DOT1L: variants seen among roughly 807,000 people sequenced by gnomAD.
DOT1L encodes DOT1 like histone lysine methyltransferase, also known as histone-lysine N-methyltransferase, H3 lysine-79 specific.
In DOT1L, 33 loss-of-function variants were observed where a neutral mutation model predicts 153.3. The ratio of observed to expected loss-of-function variants is 0.22; its 90% CI spans 0.16 to 0.29. The LOEUF (loss-of-function observed/expected upper bound fraction) is 0.29. Ranked by LOEUF, DOT1L falls within the 10% of genes least tolerant of loss-of-function variation. The pLI is 1.00. For synonymous variants in DOT1L, 1,135 were observed against 965.1 expected (o/e 1.18, Z -3.26); for missense variants, 1,847 against 2,119.9 (o/e 0.87, Z 2.53).
chr19:2,193,851 G>T lies in DOT1L; in HGVS notation c.588+68G>T. The T allele has an allele frequency of 6.6e-7, 1 of 1,518,934 alleles. No homozygotes were observed. The highest frequency in any genetic ancestry group is 9.0e-7 in the Non-Finnish European group (1 of 1,109,334). The allele number at this position is 1,518,934 out of a possible 1,614,324, so 94.1% of individuals were successfully genotyped here. A position where few individuals can be genotyped will look rare whatever the true frequency, so the allele number is the denominator to read the frequency against. On this transcript the variant is annotated intron_variant, in intron 6 of 27. Coordinates refer to ENST00000398665, the MANE Select transcript of DOT1L (RefSeq NM_032482.3). This position sits in a 1 kb window ranked among gnomAD's most constrained non-coding sequence, Gnocchi z 5.9. ...CATCAGAGAAAGTGACGCCCTGGGT[G>T]CCTGCACCCCACTGCTGTGGGACTT... is the stretch of plus-strand genomic sequence containing the variant.
rs1470225848 is a variant in DOT1L at position 2,220,030 on chromosome 19, A to G, written c.2692-78A>G. On this transcript the variant is annotated intron_variant, in intron 22 of 27. Transcript: ENST00000398665. This position sits in a 1 kb window ranked among gnomAD's most constrained non-coding sequence, Gnocchi z 4.5. ...CTCCCCCAGCCAGCTGCAGGCCTCA[A>G]CACTCACTGTTTCCAGCTGGGTTCT... is the stretch of plus-strand genomic sequence containing the variant. The G allele has an allele frequency of 5.1e-6, 7 of 1,371,200 alleles. No individual in the cohort carries two copies. The highest frequency in any genetic ancestry group is 1.3e-5 in the South Asian group (1 of 75,318). The allele number at this position is 1,371,200 out of a possible 1,614,324, so 84.9% of individuals were successfully genotyped here.
chr19:2,208,276 G>A lies in DOT1L; in HGVS notation c.963+596G>A, dbSNP rs1023048178. Among the ~76,000 whole-genome samples, 17 of 152,226 alleles carry A rather than the reference G, an allele frequency of 1.1e-4. No individual in the cohort carries two copies. Among genetic ancestry groups the A allele is most frequent in the Non-Finnish European group, 2.9e-5 (2 of 67,998 alleles). On this transcript the variant is annotated intron_variant, in intron 11 of 27. Transcript: ENST00000398665. This position sits in a 1 kb window ranked among gnomAD's most constrained non-coding sequence, Gnocchi z 4.4. ...GGAGGCTTCCCCTGGTCTCTTTCCC[G>A]TCCTTTGGTTGGGCACTCTGTTCCT...
In DOT1L at chr19:2,197,245, G is replaced by A. The variant is rs1442018585; in HGVS notation, c.652-2639G>A. Among the ~76,000 whole-genome samples, 1 of 152,202 alleles carries A rather than the reference G, an allele frequency of 6.6e-6. No individual in the cohort carries two copies. Among genetic ancestry groups the A allele is most frequent in the Admixed American group, 6.5e-5 (1 of 15,284 alleles). ...TCTCCTTCCCTTTCTCATGGTGATT[G>A]TTCCCAAATGCTGTGCCCACAGTGG... On this transcript the variant is annotated intron_variant, in intron 7 of 27. Transcript: ENST00000398665. The surrounding 1 kb of genome is among the most constrained non-coding windows in gnomAD (Gnocchi z 4.1).
chr19:2,210,610 G>A lies in DOT1L; in HGVS notation c.1117-11G>A, dbSNP rs762654677. The A allele has an allele frequency of 1.4e-5, 23 of 1,610,766 alleles. No homozygotes were observed. In the Middle Eastern group the frequency reaches 5.0e-4, roughly 35 times the overall value. On this transcript the variant is annotated splice_polypyrimidine_tract_variant and intron_variant, in intron 13 of 27. Coordinates refer to ENST00000398665, the MANE Select transcript of DOT1L (RefSeq NM_032482.3). Reference sequence around the variant, plus strand: ...CTGTGCCCATCCCTGTTCTTCCCTTGTGTCCTCCAGGACTCTGGTGCTGAG... The same window carrying A: ...CTGTGCCCATCCCTGTTCTTCCCTTATGTCCTCCAGGACTCTGGTGCTGAG...
At chr19:2,219,720 T>G (rs2144888488) in intron 22 of DOT1L, among the ~76,000 whole-genome samples, 1 of 152,220 alleles carries the variant, frequency 6.6e-6, no homozygotes, top group East Asian at 1.9e-4. Flanking sequence ...GCAGGTGTGT[T>G]CTCGCAAGCG....
At chr19:2,201,861 C>G (rs1466213268) in intron 8 of DOT1L, among the ~76,000 whole-genome samples, 1 of 152,224 alleles carries the variant, frequency 6.6e-6, no homozygotes, top group Non-Finnish European at 1.5e-5. Context: ...GCTCTGGGCA[C>G]AGCGTGCAGG....
At position 2,182,052 on chromosome 19, in the gene DOT1L, GTC is replaced by G. The variant is rs529333490; in HGVS notation, c.125+1300_125+1301del. Among the ~76,000 whole-genome samples, 509 of 152,156 alleles carry G rather than the reference GTC, an allele frequency of 3.3e-3. 10 individuals are homozygous for G. Among genetic ancestry groups the G allele is most frequent in the Admixed American group, 0.028 (425 of 15,288 alleles). On this transcript the variant is annotated intron_variant, in intron 2 of 27. Transcript: ENST00000398665. ...GGCCTGGGCACCTTGGGGAAACCCT[GTC>G]TCTACTAAAAAAAAACACAAAAATT...
rs1384291482 is a variant in DOT1L at position 2,216,594 on chromosome 19, A to T, written c.2237A>T (p.Glu746Val). The change falls in exon 20 of 28, where the codon GAG becomes GTG. Residue 746 changes from glutamate to valine, a missense_variant. By Grantham distance (121) the Glu-to-Val change is moderately radical. This residue lies in a region of DOT1L where 281 missense variants were observed against 263.6 expected (regional missense o/e 1.07). Transcript: ENST00000398665. The stretch of plus-strand genomic sequence containing the variant: ...TACCTGGCCTCACCCCTGGACCAGG[A>T]GGTGGTGCCCTGTACCCCTAGCCAC... ...PQYLASPLDQEVVPCTPSHVG... is the reference protein window; with the variant it reads ...PQYLASPLDQVVVPCTPSHVG... 4.4e-6 allele frequency: 7 copies of T among 1,608,004 alleles called. No homozygotes were observed. The Admixed American group carries it at 8.3e-5, about 19-fold the overall frequency.
rs558169744 is a variant in DOT1L at position 2,230,241 on chromosome 19, G to A, written c.*449G>A. 18 of 414,264 alleles carry A rather than the reference G, an allele frequency of 4.3e-5. No homozygotes were observed. Among genetic ancestry groups the A allele is most frequent in the African/African-American group, 6.1e-5 (3 of 48,784 alleles). 25.7% of individuals were successfully genotyped at this position (414,264 alleles called of 1,614,324 possible). On this transcript the variant is annotated 3_prime_UTR_variant, in exon 28 of 28. Transcript: ENST00000398665. ...GCTGACAACGCCGAACCCCGTTCTC[G>A]GAAACGCCGCCCGGCCGGCTCCCCC... is the stretch of plus-strand genomic sequence containing the variant.
At chr19:2,213,463 G>T in intron 16 of DOT1L, 76 bp from the exon 17 acceptor site, 1 of 1,440,050 alleles carries the variant, frequency 6.9e-7, no homozygotes, top group South Asian at 1.2e-5. Flanking sequence ...AGCATGAGAG[G>T]CAGGGCGTGG....
intron 3 of DOT1L, among the ~76,000 whole-genome samples, chr19:2,189,166 C>T (rs962879476): frequency 6.6e-6 from 1 of 152,200 alleles, no homozygotes; most frequent in Non-Finnish European, 1.5e-5. Flanking sequence ...ACACTGCTGA[C>T]GTGTGAATGA....
chr19:2,218,868 C>T (rs571844459), intron 22 of DOT1L, among the ~76,000 whole-genome samples: 13 of 150,676 alleles, frequency 8.6e-5, no homozygotes, highest in East Asian at 4.0e-4. Context: ...GGTTAATCCC[C>T]GCCCCCACCA....
At chr19:2,209,298 C>T (rs952731830) in intron 12 of DOT1L, among the ~76,000 whole-genome samples, 2 of 152,146 alleles carry the variant, frequency 1.3e-5, no homozygotes, top group South Asian at 2.1e-4. Flanking sequence ...TGTCTCTTTG[C>T]CTGTCTTCAT....
intron 3 of DOT1L, among the ~76,000 whole-genome samples, chr19:2,187,596 CTGGT>C (rs2022573949): frequency 6.6e-6 from 1 of 152,124 alleles, no homozygotes; most frequent in South Asian, 2.1e-4. Flanking sequence ...TTGGGAAGGT[CTGGT>C]TGTCAGGGTT....
intron 2 of DOT1L, among the ~76,000 whole-genome samples, chr19:2,182,472 G>T (rs1170092632): frequency 1.3e-5 from 2 of 152,142 alleles, no homozygotes; most frequent in Non-Finnish European, 2.9e-5. Context: ...GACCAGTGGC[G>T]CTGTGATTGT....
In DOT1L at chr19:2,194,593, C is replaced by A. The variant is rs2022937431; in HGVS notation, c.651+16C>A. 3 of 1,609,380 alleles carry A rather than the reference C, an allele frequency of 1.9e-6. No homozygotes were observed. Among genetic ancestry groups the A allele is most frequent in the South Asian group, 1.1e-5 (1 of 91,046 alleles). On this transcript the variant is annotated intron_variant, in intron 7 of 27. Transcript: ENST00000398665. The stretch of plus-strand genomic sequence containing the variant: ...AGAATACACAGTGAGTGCCATCGCT[C>A]CGCCCCGGCTCCCATCGCCGGCCCC...
intron 1 of DOT1L, among the ~76,000 whole-genome samples, chr19:2,180,438 C>T (rs561745972): frequency 2.0e-4 from 30 of 152,238 alleles, no homozygotes; most frequent in African/African-American, 6.5e-4. Flanking sequence ...GGAGCAGGAC[C>T]GGGGGCCATA....
Position 2,189,661 on chromosome 19 carries a change from C to T in DOT1L, c.201-71C>T. ...CACACCTTGGAGCCTGCCTTATCCACATGCTGTCCCCTCCCATGCATGCGG... is the reference window on the plus strand; with the variant it reads ...CACACCTTGGAGCCTGCCTTATCCATATGCTGTCCCCTCCCATGCATGCGG... On this transcript the variant is annotated intron_variant, in intron 3 of 27. Coordinates refer to ENST00000398665, the MANE Select transcript of DOT1L (RefSeq NM_032482.3). 4 of 1,564,144 alleles carry T rather than the reference C, an allele frequency of 2.6e-6. No homozygotes were observed. The African/African-American group carries it at 4.0e-5, about 16-fold the overall frequency.
Position 2,207,782 on chromosome 19 carries a change from C to A in DOT1L, c.963+102C>A. 1.9e-6 allele frequency: 2 copies of A among 1,068,154 alleles called. No individual in the cohort carries two copies. The highest frequency in any genetic ancestry group is 1.3e-6 in the Non-Finnish European group (1 of 750,064). The allele number at this position is 1,068,154 out of a possible 1,614,324, so 66.2% of individuals were successfully genotyped here. On this transcript the variant is annotated intron_variant, in intron 11 of 27. Coordinates refer to ENST00000398665, the MANE Select transcript of DOT1L (RefSeq NM_032482.3). The surrounding 1 kb of genome is among the most constrained non-coding windows in gnomAD (Gnocchi z 4.5). The stretch of plus-strand genomic sequence containing the variant: ...TCTCATGTGGCCTCTGAGACCCTCC[C>A]CTCAGAGCCCTCAACGCCCCCCGGC...
Sources: gnomAD v4.1 joint callset for allele counts (sites outside exome capture counted in the v4.1 genomes callset) on GRCh38, gnomAD v4.1.1 for gene constraint, gnomAD v4.1.1 regional missense constraint, Gnocchi (gnomAD v3.1) non-coding constraint, MANE v1.5 for transcripts, NCBI Gene and HGNC (gene_info 2026-07-23, HGNC 2026-07-21) for gene names.